Variants in LYRM4 observed in about 807,000 individuals in gnomAD.
LYRM4 encodes LYR motif containing 4, also known as LYR motif-containing protein 4.
LYRM4 carries 9 observed loss-of-function variants against 11.7 expected under a neutral mutation model. The observed-to-expected ratio is 0.77, with a 90% CI of 0.46 to 1.34. The LOEUF (loss-of-function observed/expected upper bound fraction) is 1.34. Among genes scored for constraint, LYRM4 ranks in the 40% most tolerant of loss-of-function variants. The probability of loss-of-function intolerance (pLI) is 0.00; values close to 1 mark genes in which losing one functional copy is unlikely to be tolerated. For synonymous variants in LYRM4, 42 were observed against 40.4 expected (o/e 1.04, Z -0.15); for missense variants, 133 against 112.5 (o/e 1.18, Z -0.82).
intron 2 of LYRM4, chr6:5,187,089 G>C (rs1449072781): frequency 1.1e-6 from 1 of 917,044 alleles, no homozygotes; most frequent in Non-Finnish European, 1.3e-6. Flanking sequence ...ATAGAATGGT[G>C]AATGAATAAT....
chr6:5,149,252 G>A (rs557404810), intron 2 of LYRM4, among the ~76,000 whole-genome samples: 4 of 152,330 alleles, frequency 2.6e-5, no homozygotes, highest in East Asian at 1.9e-4. Context: ...GCCCCGACAC[G>A]TGGGAAAAGC....
At chr6:5,058,829 A>G in the LYRM4 span, among the ~76,000 whole-genome samples, 1 of 152,074 alleles carries the variant, frequency 6.6e-6, no homozygotes, top group African/African-American at 2.4e-5. Context: ...TTCTAGTTTA[A>G]TGTTCTTTAT....
chr6:5,080,559 C>T, the LYRM4 span, among the ~76,000 whole-genome samples: 8 of 152,216 alleles, frequency 5.3e-5, no homozygotes, highest in South Asian at 4.2e-4. Flanking sequence ...TTTTTGGTGT[C>T]GAGCATCCGA....
intron 1 of LYRM4, among the ~76,000 whole-genome samples, chr6:5,233,112 G>A (rs61089858): frequency 0.049 from 7,471 of 152,264 alleles, 601 homozygotes; most frequent in African/African-American, 0.16. Flanking sequence ...TCAACTGGAC[G>A]ACGTCCTCAC....
chr6:5,244,444 C>T (rs974353368), intron 1 of LYRM4, among the ~76,000 whole-genome samples: 3 of 152,194 alleles, frequency 2.0e-5, no homozygotes, highest in African/African-American at 7.2e-5. Context: ...TCCCTTCCCC[C>T]ATCCCTGCTC....
intron 2 of LYRM4, among the ~76,000 whole-genome samples, chr6:5,185,492 C>G (rs868705395): frequency 1.3e-5 from 2 of 152,276 alleles, no homozygotes; most frequent in South Asian, 4.1e-4. Flanking sequence ...AAACACACAC[C>G]TACTTCATCC....
chr6:5,144,603 C>T (rs1402925799), intron 2 of LYRM4, among the ~76,000 whole-genome samples: 9 of 114,738 alleles, frequency 7.8e-5, no homozygotes, highest in Admixed American at 6.7e-4. Flanking sequence ...CCAGCCTGGG[C>T]GACACAGCGA....
At chr6:5,125,431 G>A (rs1265419527) in intron 2 of LYRM4, among the ~76,000 whole-genome samples, 1 of 152,202 alleles carries the variant, frequency 6.6e-6, no homozygotes, top group African/African-American at 2.4e-5. Context: ...CCATTCACCT[G>A]TCAGTTCCTC....
chr6:5,134,939 C>A (rs1388917174), intron 2 of LYRM4, among the ~76,000 whole-genome samples: 1 of 147,422 alleles, frequency 6.8e-6, no homozygotes, highest in Middle Eastern at 3.6e-3. Context: ...GTGGAGGGTG[C>A]GGATCACTCC....
chr6:5,085,392 C>G, the LYRM4 span: 1 of 915,864 alleles, frequency 1.1e-6, no homozygotes, highest in East Asian at 2.7e-5. Flanking sequence ...CGAGCCTGAA[C>G]TGCAGCCCTG....
At chr6:5,241,808 C>A (rs1763897793) in intron 1 of LYRM4, among the ~76,000 whole-genome samples, 1 of 152,058 alleles carries the variant, frequency 6.6e-6, no homozygotes, top group Non-Finnish European at 1.5e-5. Context: ...TTCCTGTCCA[C>A]AAGGATTAGA....
chr6:5,238,209 C>T (rs992201219), intron 1 of LYRM4, among the ~76,000 whole-genome samples: 1 of 152,140 alleles, frequency 6.6e-6, no homozygotes, highest in Admixed American at 6.5e-5. Context: ...AAATTAAATG[C>T]AACTTGTTTT....
At chr6:5,175,030 C>G (rs1759640427) in intron 2 of LYRM4, among the ~76,000 whole-genome samples, 1 of 152,174 alleles carries the variant, frequency 6.6e-6, no homozygotes, top group South Asian at 2.1e-4. Flanking sequence ...CCTAGATTCT[C>G]AGTTACAAGA....
At chr6:5,036,785 G>A in the LYRM4 span, among the ~76,000 whole-genome samples, 6 of 152,102 alleles carry the variant, frequency 3.9e-5, no homozygotes, top group Admixed American at 1.3e-4. Flanking sequence ...CCTTGGGCCC[G>A]GACAGTGAGA....
the LYRM4 span, among the ~76,000 whole-genome samples, chr6:5,080,592 C>T: frequency 1.7e-4 from 26 of 152,258 alleles, no homozygotes; most frequent in Admixed American, 1.5e-3. Flanking sequence ...TGAACTATCT[C>T]GGGCTGTGCA....
At chr6:5,192,600 A>G (rs1198283356) in intron 2 of LYRM4, among the ~76,000 whole-genome samples, 1 of 152,144 alleles carries the variant, frequency 6.6e-6, no homozygotes, top group East Asian at 1.9e-4. Flanking sequence ...TGTGAGGGGC[A>G]CCATCCACAG....
chr6:5,215,390 A>T (rs1376887861), intron 2 of LYRM4, among the ~76,000 whole-genome samples: 1 of 152,168 alleles, frequency 6.6e-6, no homozygotes, highest in Non-Finnish European at 1.5e-5. Context: ...GCCACTCTCA[A>T]AGTATACATA....
intron 2 of LYRM4, among the ~76,000 whole-genome samples, chr6:5,111,287 G>A (rs765924678): frequency 6.6e-5 from 10 of 152,204 alleles, no homozygotes; most frequent in Non-Finnish European, 1.5e-4. Flanking sequence ...TAACAGCTGG[G>A]ATGGTTCAGC....
At chr6:5,236,110 A>G (rs1386880783) in intron 1 of LYRM4, among the ~76,000 whole-genome samples, 1 of 152,234 alleles carries the variant, frequency 6.6e-6, no homozygotes, top group Admixed American at 6.5e-5. Context: ...TGAGGTTTTA[A>G]TAAACAAGTG....
Sources: gnomAD v4.1 joint callset for allele counts (sites outside exome capture counted in the v4.1 genomes callset) on GRCh38, gnomAD v4.1.1 for gene constraint, MANE v1.5 for transcripts, NCBI Gene and HGNC (gene_info 2026-07-23, HGNC 2026-07-21) for gene names.